EXOC4: variants seen among roughly 807,000 people sequenced by gnomAD.
The protein encoded by EXOC4 is SEC8-like 1.
A neutral mutation model predicts 107.2 loss-of-function variants in EXOC4; 71 were observed. The ratio of observed to expected loss-of-function variants is 0.66; its 90% CI spans 0.55 to 0.81. EXOC4 has a LOEUF of 0.81. Among genes scored for constraint, EXOC4 ranks in the 30% least tolerant of loss-of-function variants. The pLI is 0.00. For synonymous variants in EXOC4, 456 were observed against 441.2 expected, an observed-to-expected ratio of 1.03 and a Z score of -0.42; for missense variants, 1,108 against 1,189.6, an observed-to-expected ratio of 0.93 and a Z score of 1.01.
At chr7:134,020,007 C>T (rs1794993377) in intron 17 of EXOC4, among the ~76,000 whole-genome samples, 1 of 152,106 alleles carries the variant, frequency 6.6e-6, no homozygotes, top group African/African-American at 2.4e-5. Flanking sequence ...TGCTGGCCTT[C>T]CAAACAACTG....
At chr7:133,859,781 A>G (rs1006742415) in intron 11 of EXOC4, among the ~76,000 whole-genome samples, 6 of 152,164 alleles carry the variant, frequency 3.9e-5, no homozygotes, top group Non-Finnish European at 8.8e-5. Flanking sequence ...AAAAAACAGT[A>G]TTTTTTTAAT....
At chr7:133,453,836 T>C (rs1201617186) in intron 7 of EXOC4, among the ~76,000 whole-genome samples, 1 of 152,146 alleles carries the variant, frequency 6.6e-6, no homozygotes, top group Non-Finnish European at 1.5e-5. Context: ...ATATGTTATA[T>C]GTTAAGTGCA....
chr7:133,934,698 T>C (rs1585259881), intron 13 of EXOC4, among the ~76,000 whole-genome samples: 1 of 152,242 alleles, frequency 6.6e-6, no homozygotes, highest in African/African-American at 2.4e-5. Flanking sequence ...CTGTTGCTTT[T>C]TCACCACCCA....
chr7:133,622,939 T>G (rs75860441), intron 9 of EXOC4, among the ~76,000 whole-genome samples: 2 of 152,162 alleles, frequency 1.3e-5, no homozygotes, highest in Non-Finnish European at 2.9e-5. Context: ...GAACCTACTC[T>G]ATGTGTGACC....
intron 14 of EXOC4, among the ~76,000 whole-genome samples, chr7:133,955,792 G>A (rs1015529067): frequency 1.3e-5 from 2 of 152,254 alleles, no homozygotes; most frequent in African/African-American, 4.8e-5. Context: ...AGAAGGGGCT[G>A]GCGTGTCAGC....
chr7:134,052,406 C>T (rs1245207893), intron 17 of EXOC4, among the ~76,000 whole-genome samples: 2 of 150,870 alleles, frequency 1.3e-5, no homozygotes, highest in Admixed American at 1.3e-4. Flanking sequence ...GGATCAAAGG[C>T]ATAGGGTTAA....
intron 10 of EXOC4, among the ~76,000 whole-genome samples, chr7:133,631,484 T>C (rs2151016152): frequency 1.3e-5 from 2 of 152,196 alleles, no homozygotes; most frequent in South Asian, 4.1e-4. Context: ...CTCAATTGAT[T>C]TTAAATACAA....
chr7:133,866,012 T>C (rs1798632156), intron 11 of EXOC4, among the ~76,000 whole-genome samples: 1 of 152,166 alleles, frequency 6.6e-6, no homozygotes, highest in African/African-American at 2.4e-5. Context: ...GAAATTACCT[T>C]CTTTCAACTA....
intron 12 of EXOC4, among the ~76,000 whole-genome samples, chr7:133,908,137 A>G (rs1029921842): frequency 6.6e-6 from 1 of 152,190 alleles, no homozygotes; most frequent in African/African-American, 2.4e-5. Flanking sequence ...AACTCACTCT[A>G]CCATAATCAG....
chr7:133,579,482 T>C (rs577411641), intron 9 of EXOC4, among the ~76,000 whole-genome samples: 1 of 152,274 alleles, frequency 6.6e-6, no homozygotes, highest in East Asian at 1.9e-4. Context: ...GTTGCTTCAA[T>C]TGACTTTTAG....
chr7:133,896,878 T>C (rs1799326648), intron 12 of EXOC4, among the ~76,000 whole-genome samples: 1 of 84,006 alleles, frequency 1.2e-5, no homozygotes, highest in Admixed American at 9.1e-5. Flanking sequence ...TTGGCCAGGC[T>C]GGTCGCGAAT....
intron 11 of EXOC4, among the ~76,000 whole-genome samples, chr7:133,868,968 T>G (rs1798697036): frequency 6.6e-6 from 1 of 152,072 alleles, no homozygotes. Flanking sequence ...TAAAAGACCC[T>G]GCCCTGCCTC....
intron 2 of EXOC4, among the ~76,000 whole-genome samples, chr7:133,277,828 TG>T (rs1244443491): frequency 1.3e-5 from 2 of 152,256 alleles, no homozygotes; most frequent in Non-Finnish European, 2.9e-5. Flanking sequence ...GTCCATTTCT[TG>T]TCACCAAGGA....
At chr7:133,631,847 G>A (rs974572606) in intron 10 of EXOC4, among the ~76,000 whole-genome samples, 1 of 151,958 alleles carries the variant, frequency 6.6e-6, no homozygotes, top group East Asian at 1.9e-4. Context: ...GTTGCTAATT[G>A]TTAGAAATTG....
chr7:133,828,231 T>C (rs1028756128), intron 11 of EXOC4, among the ~76,000 whole-genome samples: 18 of 152,162 alleles, frequency 1.2e-4, no homozygotes, highest in African/African-American at 4.3e-4. Context: ...TTGACTTTAC[T>C]TGCTAACAAA....
At chr7:133,416,014 C>G (rs1043320943) in intron 7 of EXOC4, among the ~76,000 whole-genome samples, 1 of 152,076 alleles carries the variant, frequency 6.6e-6, no homozygotes, top group African/African-American at 2.4e-5. Flanking sequence ...TGTCAGATCA[C>G]ACAGAGAGGG....
At chr7:133,276,322 A>G (rs902670096) in intron 2 of EXOC4, among the ~76,000 whole-genome samples, 5 of 152,174 alleles carry the variant, frequency 3.3e-5, no homozygotes, top group Non-Finnish European at 5.9e-5. Flanking sequence ...CATTATAGTT[A>G]TGTGGTTTTT....
chr7:133,537,301 C>A (rs933609168), intron 9 of EXOC4, among the ~76,000 whole-genome samples: 13 of 148,868 alleles, frequency 8.7e-5, no homozygotes, highest in South Asian at 8.6e-4. Flanking sequence ...CAGGCACCCC[C>A]CCCCCCACCA....
At chr7:133,531,790 C>T (rs2150922255) in intron 9 of EXOC4, among the ~76,000 whole-genome samples, 1 of 152,098 alleles carries the variant, frequency 6.6e-6, no homozygotes, top group South Asian at 2.1e-4. Context: ...AAAAATCTTC[C>T]TTTTGAATTG....
Sources: gnomAD v4.1 joint callset for allele counts (sites outside exome capture counted in the v4.1 genomes callset) on GRCh38, gnomAD v4.1.1 for gene constraint, MANE v1.5 for transcripts, NCBI Gene and HGNC (gene_info 2026-07-23, HGNC 2026-07-21) for gene names.